The following CDH20 variants were observed in gnomAD, a reference collection of about 807,000 sequenced individuals.
CDH20 encodes cadherin-20.
A neutral mutation model predicts 74.2 loss-of-function variants in CDH20; 29 were observed. The observed-to-expected ratio is 0.39, with a 90% confidence interval of 0.29 to 0.53. The LOEUF is 0.53. Ranked by LOEUF, CDH20 falls within the 20% of genes least tolerant of loss-of-function variation. The pLI, the probability that CDH20 is intolerant of heterozygous loss-of-function variation, is 0.69. For missense variants in CDH20, 988 were observed against 1,048.3 expected (o/e 0.94, Z 0.79); for synonymous variants, 469 against 405.4 (o/e 1.16, Z -1.88).
At chr18:61,336,771 G>T (rs538567543) in intron 1 of CDH20, among the ~76,000 whole-genome samples, 1 of 149,604 alleles carries the variant, frequency 6.7e-6, no homozygotes, top group Non-Finnish European at 1.5e-5. Context: ...AAAGAGACAC[G>T]GAAGGAAGAG....
At chr18:61,497,480 G>A (rs1031916098) in intron 2 of CDH20, among the ~76,000 whole-genome samples, 1 of 152,170 alleles carries the variant, frequency 6.6e-6, no homozygotes, top group African/African-American at 2.4e-5. Context: ...ATGAGACTGT[G>A]CATAACAAAA....
At chr18:61,351,945 C>T (rs528611786) in intron 1 of CDH20, among the ~76,000 whole-genome samples, 41 of 152,016 alleles carry the variant, frequency 2.7e-4, no homozygotes, top group South Asian at 4.2e-4. Context: ...ACTATGAGAG[C>T]GAGATAAAGC....
At chr18:61,467,143 C>G (rs1909989269) in intron 1 of CDH20, among the ~76,000 whole-genome samples, 1 of 151,828 alleles carries the variant, frequency 6.6e-6, no homozygotes, top group African/African-American at 2.4e-5. Context: ...TCTCTAATGA[C>G]AGTATATATA....
At chr18:61,534,008 T>A (rs892489452) in intron 7 of CDH20, among the ~76,000 whole-genome samples, 1 of 152,026 alleles carries the variant, frequency 6.6e-6, no homozygotes, top group African/African-American at 2.4e-5. Context: ...CCAGCTGTTA[T>A]AATTACTATA....
chr18:61,551,764 GTT>G (rs1191410265), intron 11 of CDH20, among the ~76,000 whole-genome samples: 1 of 152,268 alleles, frequency 6.6e-6, no homozygotes, highest in African/African-American at 2.4e-5. Context: ...GAAGAAACTT[GTT>G]CCTGGGAGGA....
At chr18:61,450,821 G>T (rs1025615145) in intron 1 of CDH20, among the ~76,000 whole-genome samples, 2 of 151,914 alleles carry the variant, frequency 1.3e-5, no homozygotes, top group African/African-American at 4.8e-5. Context: ...TATTTTTAAT[G>T]TTCACTTTGT....
chr18:61,549,736 G>C, intron 10 of CDH20: 1 of 430,022 alleles, frequency 2.3e-6, no homozygotes, highest in South Asian at 2.9e-5. Flanking sequence ...GGATAAGACA[G>C]ACTCAAAAAA....
intron 1 of CDH20, among the ~76,000 whole-genome samples, chr18:61,373,524 A>G (rs1173584036): frequency 6.6e-6 from 1 of 152,112 alleles, no homozygotes; most frequent in Non-Finnish European, 1.5e-5. Context: ...TCTGATTTTG[A>G]GTTGTTGACT....
intron 4 of CDH20, 83 bp from the exon 5 acceptor site, chr18:61,502,870 A>C: frequency 2.6e-6 from 3 of 1,157,824 alleles, no homozygotes; most frequent in East Asian, 4.8e-5. Flanking sequence ...TTAATGGTGC[A>C]CCAGGGAGAC....
chr18:61,499,905 G>A (rs1274798830), intron 3 of CDH20, among the ~76,000 whole-genome samples: 2 of 151,800 alleles, frequency 1.3e-5, no homozygotes, highest in Non-Finnish European at 2.9e-5. Context: ...CCAACATGGT[G>A]AAACCCCGTC....
chr18:61,477,085 C>G (rs17068349), intron 1 of CDH20, among the ~76,000 whole-genome samples: 3,731 of 152,114 alleles, frequency 0.025, 159 homozygotes, highest in East Asian at 0.11. Context: ...AAAACAGCCT[C>G]GGAAAATGAG....
chr18:61,499,052 C>G, intron 2 of CDH20, 134 bp from the exon 3 acceptor site: 1 of 683,068 alleles, frequency 1.5e-6, no homozygotes, highest in Non-Finnish European at 2.4e-6. Flanking sequence ...AGTTCTTTGT[C>G]GACAAACTTA....
At position 61,429,173 on chromosome 18, in the gene CDH20, T is replaced by C. The variant is rs73963095; in HGVS notation, c.-152-61229T>C. Among the ~76,000 whole-genome samples the C allele has an allele frequency of 4.5e-3, 691 of 152,288 alleles. 2 individuals are homozygous for C. The highest frequency in any genetic ancestry group is 0.016 in the African/African-American group (662 of 41,570). On this transcript the variant is annotated intron_variant, in intron 1 of 11. Transcript: ENST00000262717. ...TTGCTACAGTCATGGTTCTTTCTTT[T>C]TCATTTCAAACAAGGAGAAATTTTA...
intron 1 of CDH20, among the ~76,000 whole-genome samples, chr18:61,387,866 AG>A (rs1911653945): frequency 1.3e-5 from 2 of 152,298 alleles, no homozygotes; most frequent in Non-Finnish European, 2.9e-5. Flanking sequence ...CTGATTGTAT[AG>A]GGGCAATGGA....
chr18:61,549,676 T>C (rs1349246371), intron 10 of CDH20, among the ~76,000 whole-genome samples: 1 of 152,190 alleles, frequency 6.6e-6, no homozygotes, highest in Non-Finnish European at 1.5e-5. Context: ...AGGGACATTT[T>C]TGTTAGATCT....
In CDH20 at chr18:61,550,173, T is replaced by C; in HGVS notation, c.1844T>C (p.Val615Ala). Residue 615 changes from valine to alanine, a missense_variant, in exon 11 of 12, where the codon GTC becomes GCC. Val to Ala is a moderately conservative substitution (Grantham distance 64). Transcript: ENST00000262717. ...AGCCCAGAGGCCTACATGCTCCCAG[T>C]CAGTTTGAGCCGGGGCGCCCTCATT... ...SCSPEAYMLP[V>A]SLSRGALIAI... 6.2e-7 allele frequency: 1 copy of C among 1,614,122 alleles called. No homozygotes were observed. Among genetic ancestry groups the C allele is most frequent in the Non-Finnish European group, 8.5e-7 (1 of 1,180,042 alleles).
chr18:61,355,094 G>A (rs942440768), intron 1 of CDH20, among the ~76,000 whole-genome samples: 2 of 152,192 alleles, frequency 1.3e-5, no homozygotes, highest in Non-Finnish European at 2.9e-5. Flanking sequence ...TCCAGATGAG[G>A]ACTAATGTAA....
At chr18:61,510,252 G>C (rs932742645) in intron 6 of CDH20, among the ~76,000 whole-genome samples, 5 of 152,148 alleles carry the variant, frequency 3.3e-5, no homozygotes, top group Admixed American at 1.3e-4. Context: ...AAGAGGTCAG[G>C]GGAAGTGTAA....
intron 1 of CDH20, among the ~76,000 whole-genome samples, chr18:61,458,075 C>T (rs1909638663): frequency 6.6e-6 from 1 of 152,138 alleles, no homozygotes; most frequent in Non-Finnish European, 1.5e-5. Context: ...CCTCTTCATC[C>T]TGCCCCTTCT....
Sources: allele counts gnomAD v4.1 joint callset (sites outside exome capture counted in the v4.1 genomes callset), GRCh38; gene constraint gnomAD v4.1.1; transcripts MANE v1.5; gene names NCBI Gene and HGNC (gene_info 2026-07-23, HGNC 2026-07-21).